The following KLHL1 variants were observed in gnomAD, a reference collection of about 807,000 sequenced individuals.
The protein encoded by KLHL1 is kelch-like protein 1.
A neutral mutation model predicts 77.7 loss-of-function variants in KLHL1; 47 were observed. The ratio of observed to expected loss-of-function variants is 0.60; its 90% CI spans 0.48 to 0.77. KLHL1 has a LOEUF of 0.77. Among genes scored for constraint, KLHL1 ranks in the 30% least tolerant of loss-of-function variants. KLHL1 has a pLI of 0.00. For synonymous variants in KLHL1, 360 were observed against 325.2 expected (o/e 1.11, Z -1.15); for missense variants, 925 against 910.8 (o/e 1.02, Z -0.20).
chr13:69,932,553 T>A (rs1459494221), intron 4 of KLHL1, among the ~76,000 whole-genome samples: 2 of 152,070 alleles, frequency 1.3e-5, no homozygotes, highest in East Asian at 1.9e-4. Flanking sequence ...CAGGATATTT[T>A]AAAATGTTTA....
chr13:69,740,583 T>G (rs1376399095), intron 7 of KLHL1, 27 bp from the exon 8 acceptor site: 1 of 1,545,488 alleles, frequency 6.5e-7, no homozygotes, highest in Non-Finnish European at 8.9e-7. Context: ...ATGAATGTAG[T>G]GCCTATAGTT....
At chr13:70,080,603 T>A (rs760352118) in intron 1 of KLHL1, among the ~76,000 whole-genome samples, 1 of 152,128 alleles carries the variant, frequency 6.6e-6, no homozygotes, top group African/African-American at 2.4e-5. Flanking sequence ...CTTTGTTTTA[T>A]TTTATCATTT....
At chr13:69,974,200 T>C (rs1884476824) in intron 2 of KLHL1, among the ~76,000 whole-genome samples, 1 of 151,702 alleles carries the variant, frequency 6.6e-6, no homozygotes, top group Non-Finnish European at 1.5e-5. Flanking sequence ...AAACTAATTT[T>C]TCGTATCCTA....
chr13:69,803,382 G>A (rs1178813698), intron 6 of KLHL1, among the ~76,000 whole-genome samples: 2 of 152,026 alleles, frequency 1.3e-5, no homozygotes, highest in Non-Finnish European at 2.9e-5. Flanking sequence ...ATATTAACCT[G>A]GCTCTAGAGC....
Position 69,707,791 on chromosome 13 carries a change from T to A in KLHL1, c.2021A>T (p.Asp674Val). 6.2e-7 allele frequency: 1 copy of A among 1,611,902 alleles called. No individual in the cohort carries two copies. Among genetic ancestry groups the A allele is most frequent in the Non-Finnish European group, 8.5e-7 (1 of 1,178,622 alleles). The change falls in exon 10 of 11, where the codon GAT becomes GTT. Residue 674 changes from aspartate to valine, a missense_variant. Physicochemically the swap from Asp to Val is radical, Grantham distance 152 (BLOSUM62 -3). Transcript: ENST00000377844. ...SRLLDYVERY[D>V]PKTDTWTMVA... is the part of the protein sequence containing the mutation. The stretch of plus-strand genomic sequence containing the variant: ...CATGGTCCAAGTGTCTGTTTTGGGA[T>A]CATATCTAAAATTCAATGACAATAG...
At chr13:69,980,290 A>T (rs1432205881) in intron 1 of KLHL1, among the ~76,000 whole-genome samples, 1 of 152,190 alleles carries the variant, frequency 6.6e-6, no homozygotes, top group Non-Finnish European at 1.5e-5. Context: ...TACAACAAAT[A>T]ATTACTCATG....
At chr13:69,914,089 C>T (rs1477077297) in intron 4 of KLHL1, among the ~76,000 whole-genome samples, 1 of 152,194 alleles carries the variant, frequency 6.6e-6, no homozygotes, top group East Asian at 1.9e-4. Flanking sequence ...GGCACTCCAA[C>T]TTCTTCAGCT....
chr13:70,061,364 C>T (rs1886880620), intron 1 of KLHL1, among the ~76,000 whole-genome samples: 1 of 149,048 alleles, frequency 6.7e-6, no homozygotes, highest in Non-Finnish European at 1.5e-5. Context: ...TGACTAGTAA[C>T]ATGAGGTTTC....
chr13:69,745,310 T>C (rs1181497867), intron 7 of KLHL1, among the ~76,000 whole-genome samples: 1 of 148,164 alleles, frequency 6.7e-6, no homozygotes. Context: ...TCTCTTATTA[T>C]TAATTATATC....
intron 6 of KLHL1, among the ~76,000 whole-genome samples, chr13:69,820,095 G>A (rs1461918290): frequency 6.6e-6 from 1 of 152,134 alleles, no homozygotes; most frequent in African/African-American, 2.4e-5. Context: ...TATCTATTAA[G>A]TAGGATCTTG....
At chr13:69,709,758 CAGAG>C (rs1388729970) in intron 9 of KLHL1, among the ~76,000 whole-genome samples, 1 of 151,810 alleles carries the variant, frequency 6.6e-6, no homozygotes, top group East Asian at 1.9e-4. Context: ...AAAGGAAGGA[CAGAG>C]AGGGCAGAAA....
In KLHL1 at chr13:69,885,195, C is replaced by T. The variant is rs59924862; in HGVS notation, c.1015-2700G>A. Among the ~76,000 whole-genome samples the T allele has an allele frequency of 9.1e-3, 1,243 of 136,886 alleles. 42 individuals carry two copies. The highest frequency in any genetic ancestry group is 0.034 in the East Asian group (177 of 5,166). 89.8% of individuals were successfully genotyped at this position (136,886 alleles called of 152,430 possible). Reference sequence around the variant, plus strand: ...GACCTCGTGATCCACCCGCCTCGGCCTCCCAAAGTGCTGGGATTACAGGCG... The same window carrying T: ...GACCTCGTGATCCACCCGCCTCGGCTTCCCAAAGTGCTGGGATTACAGGCG... On this transcript the variant is annotated intron_variant, in intron 4 of 10. Coordinates refer to ENST00000377844, the MANE Select transcript of KLHL1 (RefSeq NM_020866.3).
chr13:70,005,314 T>C (rs1885380223), intron 1 of KLHL1, among the ~76,000 whole-genome samples: 2 of 152,178 alleles, frequency 1.3e-5, no homozygotes, highest in South Asian at 4.1e-4. Flanking sequence ...TTAAGATTAA[T>C]ATATCCCTGC....
chr13:69,834,606 T>C (rs551894115), intron 6 of KLHL1, among the ~76,000 whole-genome samples: 1 of 152,238 alleles, frequency 6.6e-6, no homozygotes, highest in Non-Finnish European at 1.5e-5. Flanking sequence ...TTTAGATCAG[T>C]TAAATTACTT....
intron 4 of KLHL1, among the ~76,000 whole-genome samples, chr13:69,937,104 C>A (rs1288007922): frequency 2.6e-5 from 4 of 152,154 alleles, no homozygotes; most frequent in African/African-American, 4.8e-5. Flanking sequence ...AAAGGCAGAG[C>A]TGACTTTGGA....
chr13:69,859,648 T>C (rs1880059754), intron 5 of KLHL1, among the ~76,000 whole-genome samples: 1 of 152,140 alleles, frequency 6.6e-6, no homozygotes. Flanking sequence ...AGTAAATCTA[T>C]CTAAAAATTA....
chr13:69,832,125 AG>A (rs1434396968), intron 6 of KLHL1, among the ~76,000 whole-genome samples: 1 of 149,880 alleles, frequency 6.7e-6, no homozygotes, highest in Non-Finnish European at 1.5e-5. Flanking sequence ...AAAGAAATAA[AG>A]GGCACCAAAA....
At chr13:70,070,687 G>T (rs1409251114) in intron 1 of KLHL1, among the ~76,000 whole-genome samples, 1 of 151,954 alleles carries the variant, frequency 6.6e-6, no homozygotes, top group Non-Finnish European at 1.5e-5. Flanking sequence ...TGCGGGAGAA[G>T]AAATAAAAGT....
intron 1 of KLHL1, among the ~76,000 whole-genome samples, chr13:70,010,911 T>TAATAATAA (rs149915176): frequency 3.4e-4 from 50 of 147,720 alleles, no homozygotes; most frequent in Admixed American, 2.6e-3. Flanking sequence ...ATAATAATAA[T>TAATAATAA]AATAAAATAA....
Sources: allele counts gnomAD v4.1 joint callset (sites outside exome capture counted in the v4.1 genomes callset), GRCh38; gene constraint gnomAD v4.1.1; transcripts MANE v1.5; gene names NCBI Gene and HGNC (gene_info 2026-07-23, HGNC 2026-07-21).